Variants in PISD observed in about 807,000 individuals in gnomAD.
PISD encodes phosphatidylserine decarboxylase proenzyme, mitochondrial.
In PISD, 31 loss-of-function variants were observed where a neutral mutation model predicts 43.5. That is an observed-to-expected ratio of 0.71 (90% CI 0.54 to 0.96). PISD has a LOEUF of 0.96. Among genes scored for constraint, PISD ranks in the 40% least tolerant of loss-of-function variants. PISD has a pLI of 0.00. For missense variants in PISD, 523 were observed against 548.4 expected (o/e 0.95, Z 0.46); for synonymous variants, 259 against 228.7 (o/e 1.13, Z -1.20).
At chr22:31,638,578 T>C (rs1443882741) in intron 3 of PISD, 1 of 984,972 alleles carries the variant, frequency 1.0e-6, no homozygotes, top group African/African-American at 1.8e-5. Context: ...CGCAGGCCAC[T>C]CCTCCCCTCA....
intron 1 of PISD, among the ~76,000 whole-genome samples, chr22:31,656,649 A>AAAACAAATAAATAAAT (rs781109098): frequency 1.7e-4 from 25 of 149,146 alleles, no homozygotes; most frequent in African/African-American, 5.0e-4. Flanking sequence ...CTGCGTCTCA[A>AAAACAAATAAATAAAT]AAATAAATAA....
intron 3 of PISD, among the ~76,000 whole-genome samples, chr22:31,636,095 C>T (rs1459449507): frequency 1.3e-5 from 2 of 152,228 alleles, no homozygotes; most frequent in Non-Finnish European, 2.9e-5. Context: ...TGCCCACTAC[C>T]AGGTACACCG....
chr22:31,662,136 T>C lies in PISD; in HGVS notation c.65+8A>G. On this transcript the variant is annotated splice_region_variant and intron_variant, in intron 1 of 7. Transcript: ENST00000439502. ...ACGCCCCAAGGTAGTCTCTCCGCGC[T>C]GCTATACCTGCTCCGCCACGGCGCG... 6.2e-7 allele frequency: 1 copy of C among 1,607,300 alleles called. No homozygotes were observed. Among genetic ancestry groups the C allele is most frequent in the Non-Finnish European group, 8.5e-7 (1 of 1,179,274 alleles).
At chr22:31,639,984 G>A (rs577116513) in intron 3 of PISD, among the ~76,000 whole-genome samples, 71 of 152,256 alleles carry the variant, frequency 4.7e-4, no homozygotes, top group African/African-American at 1.7e-3. Context: ...CTGCCTTCAA[G>A]AGTGCCCTTG....
At chr22:31,620,823 A>C in intron 6 of PISD, 110 bp from the exon 7 acceptor site, 1 of 1,453,856 alleles carries the variant, frequency 6.9e-7, no homozygotes, top group Admixed American at 2.0e-5. Flanking sequence ...GTCACTCCAA[A>C]TGCTGAGCTG....
Position 31,620,980 on chromosome 22 carries a change from C to G in PISD, c.844+16G>C. On this transcript the variant is annotated intron_variant, in intron 6 of 7. Coordinates refer to ENST00000439502, the MANE Select transcript of PISD (RefSeq NM_001326411.2). ...GCCCACAGAGGCAGCTCCCCCCACGCTGGCCCCGGGCTGACCTGGGAAGTG... is the reference window on the plus strand; with the variant it reads ...GCCCACAGAGGCAGCTCCCCCCACGGTGGCCCCGGGCTGACCTGGGAAGTG... 1 of 1,600,786 alleles carries G rather than the reference C, an allele frequency of 6.2e-7. No homozygotes were observed. Among genetic ancestry groups the G allele is most frequent in the East Asian group, 2.2e-5 (1 of 44,728 alleles).
chr22:31,658,691 A>G lies in PISD; in HGVS notation c.65+3453T>C, dbSNP rs910893994. Among the ~76,000 whole-genome samples, 4 of 151,846 alleles carry G rather than the reference A, an allele frequency of 2.6e-5. No individual in the cohort carries two copies. The Admixed American group carries it at 2.6e-4, about 10-fold the overall frequency. On this transcript the variant is annotated intron_variant, in intron 1 of 7. Coordinates refer to ENST00000439502, the MANE Select transcript of PISD (RefSeq NM_001326411.2). The stretch of plus-strand genomic sequence containing the variant: ...TAGCTTCCCAAGTAGCTGGGACCAC[A>G]GATGTGCACCCAGCCATTTTTTGCG...
intron 3 of PISD, among the ~76,000 whole-genome samples, chr22:31,638,973 C>T (rs1379057843): frequency 6.6e-6 from 1 of 151,776 alleles, no homozygotes; most frequent in Non-Finnish European, 1.5e-5. Flanking sequence ...GACTGGATGA[C>T]AGAGTGAGAG....
chr22:31,625,956 G>A (rs1317614553), intron 3 of PISD: 16 of 1,481,644 alleles, frequency 1.1e-5, no homozygotes, highest in South Asian at 4.0e-5. Flanking sequence ...GGTTGGTGGC[G>A]CCGCTTCCTG....
rs190148532 is a variant in PISD, at chr22:31,632,278, A to G, written c.322-10393T>C. ...ATAGGGTCCTCCTCCATGGATTTCC[A>G]TGTTCTTCCATACCTACAATGCACC... On this transcript the variant is annotated intron_variant, in intron 3 of 7. Transcript: ENST00000439502. The G allele has an allele frequency of 4.1e-6, 4 of 982,158 alleles. No individual in the cohort carries two copies. The Admixed American group carries it at 2.5e-4, about 60-fold the overall frequency. The allele number at this position is 982,158 out of a possible 1,614,324, so 60.8% of individuals were successfully genotyped here. A position where few individuals can be genotyped will look rare whatever the true frequency, so the allele number is the denominator to read the frequency against.
At chr22:31,638,533 G>A in intron 3 of PISD, 1 of 985,442 alleles carries the variant, frequency 1.0e-6, no homozygotes, top group South Asian at 4.7e-5. Flanking sequence ...TGACACAGCT[G>A]CCCCAAGAGA....
At chr22:31,656,862 C>T (rs2074194241) in intron 1 of PISD, among the ~76,000 whole-genome samples, 1 of 152,076 alleles carries the variant, frequency 6.6e-6, no homozygotes, top group Non-Finnish European at 1.5e-5. Context: ...ATGTGGCTCA[C>T]TCCCACATCA....
At chr22:31,641,968 C>T (rs2073743547) in intron 3 of PISD, among the ~76,000 whole-genome samples, 1 of 151,216 alleles carries the variant, frequency 6.6e-6, no homozygotes, top group South Asian at 2.1e-4. Flanking sequence ...ATGCCACAAA[C>T]CATAAAGGTG....
At chr22:31,624,753 A>ACG (rs1428671316) in intron 3 of PISD, among the ~76,000 whole-genome samples, 29 of 128,820 alleles carry the variant, frequency 2.3e-4, no homozygotes, top group Admixed American at 1.8e-3. Flanking sequence ...ACACACACAC[A>ACG]CACGAGACCC....
intron 3 of PISD, among the ~76,000 whole-genome samples, chr22:31,622,577 C>T (rs1331089617): frequency 2.0e-5 from 3 of 152,138 alleles, no homozygotes; most frequent in African/African-American, 7.3e-5. Flanking sequence ...CACGGCAGGA[C>T]TTGTGTTCAA....
rs973703476 is a variant in PISD at position 31,625,890 on chromosome 22, G to C, written c.322-4005C>G. On this transcript the variant is annotated intron_variant, in intron 3 of 7. Transcript: ENST00000439502. ...TTTTCCTCTTTCCTCCCCTTCCCCC[G>C]AGCCAGCAGATCTCCTGTGCTGTCA... is the stretch of plus-strand genomic sequence containing the variant. 5.8e-6 allele frequency: 9 copies of C among 1,545,968 alleles called. No homozygotes were observed. In the African/African-American group the frequency reaches 1.1e-4, roughly 19 times the overall value.
In PISD at chr22:31,619,775, G is replaced by T. The variant is rs769287992; in HGVS notation, c.1067C>A (p.Thr356Lys). ...GGGGACGCCCTCTCTATTGGTGTGCGTCACGAAGCTGAAGTCATTGTAGGA... is the reference window on the plus strand; with the variant it reads ...GGGGACGCCCTCTCTATTGGTGTGCTTCACGAAGCTGAAGTCATTGTAGGA... ...KGSYNDFSFV[T>K]HTNREGVPMR... The change falls in exon 8 of 8, where the codon ACG (threonine) becomes AAG (lysine). Residue 356 changes from threonine (T) to lysine (K), a missense_variant. Transcript: ENST00000439502. The T allele has an allele frequency of 6.2e-7, 1 of 1,614,196 alleles. No individual in the cohort carries two copies. Among genetic ancestry groups the T allele is most frequent in the South Asian group, 1.1e-5 (1 of 91,078 alleles).
intron 3 of PISD, among the ~76,000 whole-genome samples, chr22:31,633,713 C>CA (rs2073303225): frequency 6.6e-6 from 1 of 150,508 alleles, no homozygotes; most frequent in African/African-American, 2.5e-5. Flanking sequence ...AGACTCGTCT[C>CA]AAAAAACAAA....
intron 3 of PISD, among the ~76,000 whole-genome samples, chr22:31,627,374 G>A (rs907750758): frequency 1.3e-5 from 2 of 152,224 alleles, no homozygotes; most frequent in African/African-American, 4.8e-5. Context: ...TCTCAAGGCC[G>A]AGGCCCAGGC....
Sources: allele counts gnomAD v4.1 joint callset (sites outside exome capture counted in the v4.1 genomes callset), GRCh38; gene constraint gnomAD v4.1.1; transcripts MANE v1.5; gene names NCBI Gene and HGNC (gene_info 2026-07-23, HGNC 2026-07-21).